NUP98: variants seen among roughly 807,000 people sequenced by gnomAD.
NUP98 encodes the protein nuclear pore complex protein Nup98-Nup96.
NUP98 carries 26 observed loss-of-function variants against 191.9 expected under a neutral mutation model. The observed-to-expected ratio is 0.14, with a 90% CI of 0.10 to 0.19. The LOEUF is 0.19. NUP98 is among the 10% of genes least tolerant of loss of function. NUP98 has a pLI of 1.00. For synonymous variants in NUP98, 808 were observed against 778.4 expected (o/e 1.04, Z -0.63); for missense variants, 1,941 against 2,178.8 (o/e 0.89, Z 2.17).
intron 1 of NUP98, among the ~76,000 whole-genome samples, chr11:3,786,731 C>A (rs1452758351): frequency 2.0e-5 from 3 of 152,194 alleles, no homozygotes; most frequent in Non-Finnish European, 4.4e-5. Flanking sequence ...TCTGTGAACT[C>A]TGGGTACAAT....
At chr11:3,705,093 G>C in intron 22 of NUP98, 107 bp downstream of exon 22, 1 of 986,436 alleles carries the variant, frequency 1.0e-6, no homozygotes, top group East Asian at 2.4e-5. Flanking sequence ...ATAGTTGTTT[G>C]GCAGATACTT....
chr11:3,699,430 T>C, intron 24 of NUP98, 82 bp from the exon 25 acceptor site: 5 of 1,434,662 alleles, frequency 3.5e-6, no homozygotes, highest in Non-Finnish European at 4.8e-6. Flanking sequence ...ACTGTGATGT[T>C]AAAAATACAT....
intron 12 of NUP98, among the ~76,000 whole-genome samples, chr11:3,739,070 G>A (rs1339506585): frequency 6.6e-6 from 1 of 151,964 alleles, no homozygotes; most frequent in East Asian, 1.9e-4. Flanking sequence ...CCTTTAAATG[G>A]GCAGTAATGT....
At chr11:3,748,686 T>C (rs1261748547) in intron 11 of NUP98, among the ~76,000 whole-genome samples, 1 of 152,130 alleles carries the variant, frequency 6.6e-6, no homozygotes, top group Non-Finnish European at 1.5e-5. Context: ...AAAGCCTTCC[T>C]TAATTTGAAT....
chr11:3,782,295 C>T, intron 1 of NUP98, 150 bp from the exon 2 acceptor site: 1 of 501,510 alleles, frequency 2.0e-6, no homozygotes, highest in Non-Finnish European at 3.5e-6. Flanking sequence ...TAAAATAAAC[C>T]TTGTAAAATG....
Position 3,675,903 on chromosome 11 carries a change from A to AT in NUP98, c.*255dup, listed in dbSNP as rs1467941308. The stretch of plus-strand genomic sequence containing the variant: ...TTCTGCCAAAGGAGCTTTATTGACC[A>AT]TTTTTTTAAAGGAAAAACACTGAAT... On this transcript the variant is annotated 3_prime_UTR_variant, in exon 33 of 33. Transcript: ENST00000324932. The AT allele has an allele frequency of 2.5e-5, 13 of 513,442 alleles. No individual in the cohort carries two copies. Among genetic ancestry groups the AT allele is most frequent in the African/African-American group, 9.5e-5 (5 of 52,580 alleles). The allele number at this position is 513,442 out of a possible 1,614,324, so 31.8% of individuals were successfully genotyped here.
rs759242683 is a variant in NUP98 at position 3,676,616 on chromosome 11, T to A, written c.5078A>T (p.Asp1693Val). The A allele has an allele frequency of 6.2e-7, 1 of 1,612,952 alleles. No individual in the cohort carries two copies. Among genetic ancestry groups the A allele is most frequent in the Non-Finnish European group, 8.5e-7 (1 of 1,179,114 alleles). The change falls in exon 32 of 33, where the codon GAT (aspartate) becomes GTT (valine). Residue 1693 changes from aspartate (D) to valine (V), a missense_variant. By Grantham distance (152) the Asp-to-Val change is radical (BLOSUM62 -3). Coordinates refer to ENST00000324932, the MANE Select transcript of NUP98 (RefSeq NM_016320.5). ...CTGCTCCAGGTCATTACCTGAGCAA[T>A]CCACCTACAAAGAAGCAGAGAAGCC... ...IEMLRHIQQV[D>V]CSGNDLEQLH...
chr11:3,697,687 G>A (rs2134088374), intron 25 of NUP98, among the ~76,000 whole-genome samples: 1 of 151,764 alleles, frequency 6.6e-6, no homozygotes, highest in Non-Finnish European at 1.5e-5. Context: ...ATGGTGGCAG[G>A]CACCTGTAAT....
rs1367739183 is a variant in NUP98 at position 3,702,554 on chromosome 11, C to G, written c.3421G>C (p.Glu1141Gln). 6.8e-6 allele frequency: 11 copies of G among 1,613,998 alleles called. No homozygotes were observed. The change falls in exon 23 of 33, where the codon GAA becomes CAA. Residue 1141 changes from glutamate to glutamine, a missense_variant. Around this residue, in one of 6 missense-constraint regions of NUP98, gnomAD observed 1,030 missense variants for 1,115.8 expected, o/e 0.92. Transcript: ENST00000324932. ...AGTTCATGAGAGCCATTCAGCTGTT[C>G]TCCACTATTAGCAAGAGTCCAGTTG... ...GPNWTLANSGEQLNGSHELEN... is the reference protein window; with the variant it reads ...GPNWTLANSGQQLNGSHELEN...
chr11:3,768,888 C>T (rs1043687387), intron 7 of NUP98, 144 bp from the exon 8 acceptor site: 1 of 551,586 alleles, frequency 1.8e-6, no homozygotes, highest in Non-Finnish European at 2.9e-6. Flanking sequence ...ATCATCTTTT[C>T]GTTTTCCATC....
intron 20 of NUP98, chr11:3,711,741 A>G: frequency 3.7e-6 from 2 of 536,532 alleles, no homozygotes; most frequent in Non-Finnish European, 4.9e-6. Context: ...AAGATTATAA[A>G]CATAAAAGTC....
intron 18 of NUP98, among the ~76,000 whole-genome samples, chr11:3,717,273 C>G (rs922658434): frequency 2.0e-5 from 3 of 152,150 alleles, no homozygotes; most frequent in African/African-American, 7.2e-5. Context: ...GCTGGGATTA[C>G]AGGCACGAGC....
intron 24 of NUP98, among the ~76,000 whole-genome samples, chr11:3,700,268 C>CAA (rs35824298): frequency 0.023 from 2,145 of 92,976 alleles, 65 homozygotes; most frequent in African/African-American, 0.044. Flanking sequence ...GACTCCGTCT[C>CAA]AAAAAAAAAA....
rs2079468556 is a variant in NUP98 at position 3,723,160 on chromosome 11, C to A, written c.2143G>T (p.Ala715Ser). Reference protein sequence around the residue: ...IENNSYHMHPAGIILTKVGYY... With the variant: ...IENNSYHMHPSGIILTKVGYY... ...CATGCACCAATCTGAACCTGACCTG[C>A]TGGGTGCATATGGTAAGAATTATTT... Residue 715 changes from alanine (A) to serine (S), a missense_variant, in exon 16 of 33, where the codon GCA becomes TCA. By Grantham distance (99) the Ala-to-Ser change is moderately conservative (BLOSUM62 1). Transcript: ENST00000324932. The A allele has an allele frequency of 6.2e-7, 1 of 1,613,512 alleles. No homozygotes were observed. Among genetic ancestry groups the A allele is most frequent in the Non-Finnish European group, 8.5e-7 (1 of 1,179,666 alleles).
intron 20 of NUP98, chr11:3,712,056 T>C: frequency 9.5e-7 from 1 of 1,049,642 alleles, no homozygotes; most frequent in Non-Finnish European, 1.2e-6. Flanking sequence ...CCAAACTATT[T>C]TTCATAAAGA....
intron 1 of NUP98, among the ~76,000 whole-genome samples, chr11:3,790,996 C>T (rs941339409): frequency 6.6e-5 from 10 of 151,564 alleles, no homozygotes; most frequent in East Asian, 5.9e-4. Flanking sequence ...CCCAGGTTCA[C>T]GACATTCTCC....
rs1441396981 is a variant in NUP98 at position 3,675,416 on chromosome 11, T to A, written c.*743A>T. 1 of 225,958 alleles carries A rather than the reference T, an allele frequency of 4.4e-6. No homozygotes were observed. Among genetic ancestry groups the A allele is most frequent in the Non-Finnish European group, 8.8e-6 (1 of 113,778 alleles). The allele number at this position is 225,958 out of a possible 1,614,324, so 14.0% of individuals were successfully genotyped here. ...ACTCTGCAGGCAAATCCAGACAGAGTCTCAGCAAGACTGAAAACCAGGGAC... is the reference window on the plus strand; with the variant it reads ...ACTCTGCAGGCAAATCCAGACAGAGACTCAGCAAGACTGAAAACCAGGGAC... On this transcript the variant is annotated 3_prime_UTR_variant, in exon 33 of 33. Transcript: ENST00000324932.
chr11:3,736,238 T>G (rs1424053424), intron 12 of NUP98, among the ~76,000 whole-genome samples: 2 of 152,186 alleles, frequency 1.3e-5, no homozygotes, highest in African/African-American at 2.4e-5. Context: ...GGCCTCTATT[T>G]TTTAACCTCA....
chr11:3,694,675 G>A (rs909419707), intron 26 of NUP98, among the ~76,000 whole-genome samples: 1 of 151,858 alleles, frequency 6.6e-6, no homozygotes, highest in African/African-American at 2.4e-5. Context: ...GGGAGGCGGA[G>A]CTTGCAGTAA....
Sources: gnomAD v4.1 joint callset for allele counts (sites outside exome capture counted in the v4.1 genomes callset) on GRCh38, gnomAD v4.1.1 for gene constraint, gnomAD v4.1.1 regional missense constraint, MANE v1.5 for transcripts, NCBI Gene and HGNC (gene_info 2026-07-23, HGNC 2026-07-21) for gene names.